Variants in CDH8 observed in about 807,000 individuals in gnomAD.
CDH8 encodes the protein cadherin-8.
Under a neutral mutation model 68.1 loss-of-function variants are expected in CDH8, and 17 were observed. That is an observed-to-expected ratio of 0.25 (90% CI 0.17 to 0.37). The LOEUF is 0.37. Ranked by LOEUF, CDH8 falls within the 10% of genes least tolerant of loss-of-function variation. The pLI is 1.00. For synonymous variants in CDH8, 372 were observed against 365.1 expected (o/e 1.02, Z -0.21); for missense variants, 763 against 999.3 (o/e 0.76, Z 3.19).
intron 3 of CDH8, among the ~76,000 whole-genome samples, chr16:61,861,103 C>T (rs1022038044): frequency 6.6e-6 from 1 of 152,166 alleles, no homozygotes; most frequent in African/African-American, 2.4e-5. Flanking sequence ...CTAAATGTCT[C>T]TGTATTAGGT....
chr16:61,781,140 A>AT (rs953949589), intron 8 of CDH8, among the ~76,000 whole-genome samples: 10 of 152,268 alleles, frequency 6.6e-5, no homozygotes, highest in African/African-American at 2.4e-4. Flanking sequence ...TGGAGCATCT[A>AT]TTTTTGTATC....
At chr16:61,736,974 C>G (rs1002922123) in intron 8 of CDH8, among the ~76,000 whole-genome samples, 1 of 152,162 alleles carries the variant, frequency 6.6e-6, no homozygotes, top group Non-Finnish European at 1.5e-5. Context: ...TCACAAAAGT[C>G]AGGCGGTTTT....
At chr16:61,765,114 C>T (rs1047540069) in intron 8 of CDH8, among the ~76,000 whole-genome samples, 4 of 152,004 alleles carry the variant, frequency 2.6e-5, no homozygotes, top group African/African-American at 9.7e-5. Context: ...AACTACGACC[C>T]TTCTGACCTT....
intron 9 of CDH8, 67 bp downstream of exon 9, chr16:61,727,027 C>T (rs750157697): frequency 4.7e-6 from 7 of 1,502,164 alleles, no homozygotes; most frequent in Non-Finnish European, 6.5e-6. Flanking sequence ...CAATATAATG[C>T]AGGTTAGTCA....
intron 7 of CDH8, among the ~76,000 whole-genome samples, chr16:61,799,697 G>GA (rs2142996686): frequency 6.6e-6 from 1 of 152,026 alleles, no homozygotes; most frequent in African/African-American, 2.4e-5. Flanking sequence ...TTACCATATA[G>GA]AAAAAAACAT....
At chr16:61,992,682 A>G (rs1222407754) in intron 2 of CDH8, among the ~76,000 whole-genome samples, 1 of 152,262 alleles carries the variant, frequency 6.6e-6, no homozygotes, top group Non-Finnish European at 1.5e-5. Context: ...AACAACATTT[A>G]CTAAATATCT....
intron 2 of CDH8, among the ~76,000 whole-genome samples, chr16:62,005,734 TAAAAA>T (rs10552670): frequency 8.8e-6 from 1 of 114,040 alleles, no homozygotes; most frequent in Admixed American, 9.3e-5. Flanking sequence ...GACTTCGTCT[TAAAAA>T]AAAAAAAAAA....
chr16:62,023,187 C>T (rs1902115034), intron 1 of CDH8, among the ~76,000 whole-genome samples: 1 of 152,064 alleles, frequency 6.6e-6, no homozygotes, highest in South Asian at 2.1e-4. Flanking sequence ...TAAAGAAACC[C>T]CCAAATATTT....
At chr16:61,842,196 C>T (rs1239277932) in intron 4 of CDH8, among the ~76,000 whole-genome samples, 5 of 151,914 alleles carry the variant, frequency 3.3e-5, no homozygotes, top group African/African-American at 7.3e-5. Context: ...CATGAGCCAC[C>T]GCACCCAGCC....
intron 4 of CDH8, among the ~76,000 whole-genome samples, chr16:61,854,956 AC>A (rs1963013820): frequency 6.6e-6 from 1 of 152,126 alleles, no homozygotes; most frequent in Admixed American, 6.6e-5. Flanking sequence ...TTCCACTCAT[AC>A]ATATTTATGT....
chr16:61,903,102 A>G (rs1363220035), intron 2 of CDH8, among the ~76,000 whole-genome samples: 1 of 152,210 alleles, frequency 6.6e-6, no homozygotes, highest in Non-Finnish European at 1.5e-5. Context: ...ATCAGTATGT[A>G]TCATTTTTGT....
intron 2 of CDH8, among the ~76,000 whole-genome samples, chr16:61,943,531 C>T (rs973659351): frequency 3.9e-5 from 6 of 152,214 alleles, no homozygotes; most frequent in African/African-American, 1.4e-4. Flanking sequence ...ATAGAGTGGT[C>T]ATTCTACTCT....
At chr16:61,992,586 T>TATA (rs1292076144) in intron 2 of CDH8, among the ~76,000 whole-genome samples, 2 of 151,800 alleles carry the variant, frequency 1.3e-5, no homozygotes, top group Admixed American at 6.6e-5. Context: ...AAACTTGAAG[T>TATA]ATAATAATAA....
At chr16:61,702,358 C>T (rs1236639892) in intron 10 of CDH8, among the ~76,000 whole-genome samples, 3 of 148,768 alleles carry the variant, frequency 2.0e-5, no homozygotes, top group Admixed American at 6.8e-5. Context: ...GGCGACAGAG[C>T]GAGACTCCGT....
Position 61,652,317 on chromosome 16 carries a change from T to C in CDH8, c.*1291A>G. ...GTGAAATTATGTACAAATCAGTTCC[T>C]GCTCTAAAACTGTGGGGGTAAATTG... On this transcript the variant is annotated 3_prime_UTR_variant, in exon 12 of 12. Coordinates refer to ENST00000577390, the MANE Select transcript of CDH8 (RefSeq NM_001796.5). 1.0e-6 allele frequency: 1 copy of C among 985,168 alleles called. No homozygotes were observed. The highest frequency in any genetic ancestry group is 1.2e-6 in the Non-Finnish European group (1 of 829,718). 61.0% of individuals were successfully genotyped at this position (985,168 alleles called of 1,614,324 possible). A position where few individuals can be genotyped will look rare whatever the true frequency, so the allele number is the denominator to read the frequency against.
chr16:61,960,320 C>CAT lies in CDH8; in HGVS notation c.253-58848_253-58847insAT, dbSNP rs199921716. On this transcript the variant is annotated intron_variant, in intron 2 of 11. Transcript: ENST00000577390. ...GTGTGTGTGTATACACACATATATA[C>CAT]GTGTGTGTGTATACACACATATATA... Among the ~76,000 whole-genome samples the CAT allele has an allele frequency of 1.6e-3, 89 of 57,280 alleles. 25 individuals are homozygous for CAT. Among genetic ancestry groups the CAT allele is most frequent in the African/African-American group, 9.7e-3 (56 of 5,748 alleles). 37.6% of individuals were successfully genotyped at this position (57,280 alleles called of 152,430 possible).
chr16:61,859,373 G>A (rs1050475082), intron 3 of CDH8, among the ~76,000 whole-genome samples: 4 of 152,158 alleles, frequency 2.6e-5, no homozygotes, highest in African/African-American at 9.7e-5. Context: ...GGGATGACAG[G>A]ACAGAAAAAG....
chr16:61,832,076 C>T (rs375033269), intron 4 of CDH8, among the ~76,000 whole-genome samples: 12 of 151,618 alleles, frequency 7.9e-5, no homozygotes, highest in African/African-American at 2.9e-4. Context: ...TACATGCTAC[C>T]AGTTATGAAG....
intron 10 of CDH8, among the ~76,000 whole-genome samples, chr16:61,678,798 C>T (rs2142795166): frequency 6.6e-6 from 1 of 152,216 alleles, no homozygotes; most frequent in East Asian, 1.9e-4. Flanking sequence ...CTCATACCCT[C>T]CCCTGCTAAT....
Sources: gnomAD v4.1 joint callset for allele counts (sites outside exome capture counted in the v4.1 genomes callset) on GRCh38, gnomAD v4.1.1 for gene constraint, MANE v1.5 for transcripts, NCBI Gene and HGNC (gene_info 2026-07-23, HGNC 2026-07-21) for gene names.